Variants in MMP26 observed in about 807,000 individuals in gnomAD.
The protein encoded by MMP26 is matrix metallopeptidase 26, also known as matrix metalloproteinase-26.
In MMP26, 33 loss-of-function variants were observed where a neutral mutation model predicts 31.0. The observed-to-expected ratio is 1.06, with a 90% CI of 0.81 to 1.42. The LOEUF is 1.42. Ranked by LOEUF, MMP26 falls within the 40% of genes most tolerant of loss-of-function variation. The pLI is 0.00. For synonymous variants in MMP26, 122 were observed against 114.9 expected, an observed-to-expected ratio of 1.06 and a Z score of -0.40; for missense variants, 347 against 316.1, an observed-to-expected ratio of 1.10 and a Z score of -0.74.
chr11:4,737,947 G>T (rs1372049040), intron 1 of MMP26, among the ~76,000 whole-genome samples: 1 of 152,098 alleles, frequency 6.6e-6, no homozygotes, highest in South Asian at 2.1e-4. Flanking sequence ...TTCCTGAGTG[G>T]CTAGGACTAC....
chr11:4,981,772 T>G (rs1388031712), intron 2 of MMP26, among the ~76,000 whole-genome samples: 1 of 152,032 alleles, frequency 6.6e-6, no homozygotes, highest in African/African-American at 2.4e-5. Flanking sequence ...TGTAAAAAAT[T>G]TTTTCTTTAT....
At chr11:4,920,882 T>A (rs1245752698) in intron 2 of MMP26, among the ~76,000 whole-genome samples, 1 of 152,218 alleles carries the variant, frequency 6.6e-6, no homozygotes, top group Non-Finnish European at 1.5e-5. Context: ...GAAAATAAAG[T>A]GCTTCTAGTA....
chr11:4,712,535 T>A (rs1233609782), intron 1 of MMP26: 1 of 152,148 alleles, frequency 6.6e-6, no homozygotes, highest in Non-Finnish European at 1.5e-5. Context: ...ACATAAGTTA[T>A]TTAAATTTCA....
intron 1 of MMP26, among the ~76,000 whole-genome samples, chr11:4,764,585 A>G (rs1004473060): frequency 2.6e-5 from 4 of 152,212 alleles, no homozygotes; most frequent in Non-Finnish European, 5.9e-5. Context: ...TACAAAGAAT[A>G]CTGGGCAGGG....
At chr11:4,813,735 TA>T (rs138704685) in intron 2 of MMP26, among the ~76,000 whole-genome samples, 8,824 of 152,204 alleles carry the variant, frequency 0.058, 374 homozygotes, top group African/African-American at 0.11. Flanking sequence ...GTAATATTTT[TA>T]TGAACTCAGG....
At chr11:4,815,339 G>C (rs945243558) in intron 2 of MMP26, among the ~76,000 whole-genome samples, 1 of 152,088 alleles carries the variant, frequency 6.6e-6, no homozygotes, top group East Asian at 1.9e-4. Context: ...GGTGAAATTC[G>C]GCATCACTGT....
chr11:4,933,035 G>T (rs1049668212), intron 2 of MMP26, among the ~76,000 whole-genome samples: 2 of 152,218 alleles, frequency 1.3e-5, no homozygotes, highest in East Asian at 1.9e-4. Context: ...ATTTCTCTAC[G>T]ATGTTAAATT....
At chr11:4,953,837 A>G (rs1846398064) in intron 2 of MMP26, among the ~76,000 whole-genome samples, 1 of 125,080 alleles carries the variant, frequency 8.0e-6, no homozygotes, top group African/African-American at 2.7e-5. Flanking sequence ...GGATCACTTG[A>G]GGTCAGGAGT....
intron 2 of MMP26, among the ~76,000 whole-genome samples, chr11:4,981,622 C>T (rs184595888): frequency 2.0e-5 from 3 of 152,014 alleles, no homozygotes; most frequent in Non-Finnish European, 2.9e-5. Flanking sequence ...TTAGGCTACC[C>T]TAAATTTAGC....
At chr11:4,924,939 T>A (rs1459112437) in intron 2 of MMP26, among the ~76,000 whole-genome samples, 1 of 152,208 alleles carries the variant, frequency 6.6e-6, no homozygotes, top group Non-Finnish European at 1.5e-5. Flanking sequence ...TCTGCCTTCA[T>A]AAATTTTATT....
intron 2 of MMP26, chr11:4,915,373 A>G: frequency 6.2e-7 from 1 of 1,614,054 alleles, no homozygotes; most frequent in Non-Finnish European, 8.5e-7. Context: ...CATCATGGCT[A>G]ATTTCTCGTG....
chr11:4,811,518 T>C (rs1347309397), intron 2 of MMP26, among the ~76,000 whole-genome samples: 1 of 152,220 alleles, frequency 6.6e-6, no homozygotes, highest in African/African-American at 2.4e-5. Context: ...ATTCCATCCA[T>C]GTTGCTGCAA....
At chr11:4,768,449 T>C (rs997503102) in intron 2 of MMP26, among the ~76,000 whole-genome samples, 7 of 152,228 alleles carry the variant, frequency 4.6e-5, no homozygotes, top group Non-Finnish European at 8.8e-5. Context: ...GATCCAGGTC[T>C]TACTTTTGAT....
intron 1 of MMP26, among the ~76,000 whole-genome samples, chr11:4,724,419 C>T (rs1188570191): frequency 6.6e-6 from 1 of 152,168 alleles, no homozygotes; most frequent in African/African-American, 2.4e-5. Context: ...GCCTAAATAG[C>T]ATAGACAGCT....
chr11:4,937,072 G>T (rs112375462), intron 2 of MMP26, among the ~76,000 whole-genome samples: 2,845 of 152,168 alleles, frequency 0.019, 35 homozygotes, highest in Middle Eastern at 0.037. Context: ...TATTGTATTG[G>T]CATATATTTT....
Position 4,770,025 on chromosome 11 carries a change from G to A in MMP26, c.-145+2684G>A, listed in dbSNP as rs541041989. ...GATACATTTTCTTTTAGTTAGTAGA[G>A]TTATCCAAGGTCATAGATAAGATCT... On this transcript the variant is annotated intron_variant, in intron 2 of 7. Coordinates refer to ENST00000380390, the MANE Select transcript of MMP26 (RefSeq NM_021801.5). 3 of 633,340 alleles carry A rather than the reference G, an allele frequency of 4.7e-6. 1 individual carries two copies. In the African/African-American group the frequency reaches 5.5e-5, roughly 12 times the overall value. 39.2% of individuals were successfully genotyped at this position (633,340 alleles called of 1,614,324 possible).
At chr11:4,861,227 A>T (rs1220520715) in intron 2 of MMP26, among the ~76,000 whole-genome samples, 1 of 150,378 alleles carries the variant, frequency 6.6e-6, no homozygotes, top group South Asian at 2.1e-4. Flanking sequence ...GTATATACAT[A>T]TAGAAGTATA....
chr11:4,985,739 G>T (rs192899255), intron 2 of MMP26, among the ~76,000 whole-genome samples: 6 of 152,070 alleles, frequency 3.9e-5, no homozygotes, highest in Admixed American at 2.0e-4. Context: ...TTTTTGTAGA[G>T]GTTTAATGGT....
At chr11:4,935,588 C>G in intron 2 of MMP26, among the ~76,000 whole-genome samples, 1 of 152,030 alleles carries the variant, frequency 6.6e-6, no homozygotes, top group Non-Finnish European at 1.5e-5. Flanking sequence ...TGCCTAATTG[C>G]CCTTGCCAGA....
Sources: gnomAD v4.1 joint callset for allele counts (sites outside exome capture counted in the v4.1 genomes callset) on GRCh38, gnomAD v4.1.1 for gene constraint, MANE v1.5 for transcripts, NCBI Gene and HGNC (gene_info 2026-07-23, HGNC 2026-07-21) for gene names.